CANX: variants seen among roughly 807,000 people sequenced by gnomAD.
The protein encoded by CANX is calnexin.
CANX carries 14 observed loss-of-function variants against 75.7 expected under a neutral mutation model. That is an observed-to-expected ratio of 0.19 (90% CI 0.12 to 0.29). The LOEUF (loss-of-function observed/expected upper bound fraction) is 0.29, where lower values mean the gene tolerates loss of function less well. Among genes scored for constraint, CANX ranks in the 10% least tolerant of loss-of-function variants. The pLI, the probability that CANX is intolerant of heterozygous loss-of-function variation, is 1.00. For missense variants in CANX, 567 were observed against 713.2 expected, an observed-to-expected ratio of 0.79 and a Z score of 2.34; for synonymous variants, 227 against 236.9, an observed-to-expected ratio of 0.96 and a Z score of 0.38.
chr5:179,714,065 C>T (rs1328846184), intron 7 of CANX, among the ~76,000 whole-genome samples: 4 of 152,162 alleles, frequency 2.6e-5, no homozygotes, highest in Non-Finnish European at 5.9e-5. Context: ...GTGGCCTGAT[C>T]TCAGCTCACT....
At chr5:179,693,011 T>C (rs1398375582) in intron 1 of CANX, among the ~76,000 whole-genome samples, 1 of 151,672 alleles carries the variant, frequency 6.6e-6, no homozygotes, top group Non-Finnish European at 1.5e-5. Context: ...CCGGGCACAG[T>C]GGCAGGCGCC....
At chr5:179,692,013 C>T (rs1449552269) in intron 1 of CANX, among the ~76,000 whole-genome samples, 1 of 151,662 alleles carries the variant, frequency 6.6e-6, no homozygotes, top group African/African-American at 2.4e-5. Flanking sequence ...ATCTCCTGAC[C>T]TCATGATCCA....
chr5:179,713,399 AATAC>A (rs1777714034), intron 7 of CANX, among the ~76,000 whole-genome samples: 1 of 152,216 alleles, frequency 6.6e-6, no homozygotes. Context: ...TTCCAAAAGT[AATAC>A]ATATTTAAGG....
chr5:179,709,791 G>A, intron 6 of CANX, 82 bp from the exon 7 acceptor site: 1 of 852,298 alleles, frequency 1.2e-6, no homozygotes, highest in Non-Finnish European at 1.8e-6. Context: ...TTTTATAAGA[G>A]GAATTATCAT....
At chr5:179,708,911 A>C in intron 5 of CANX, 67 bp from the exon 6 acceptor site, 3 of 816,878 alleles carry the variant, frequency 3.7e-6, no homozygotes, top group Non-Finnish European at 6.5e-6. Context: ...GGAGAGAGGA[A>C]ATACATTAAG....
exon 1 of CANX, chr5:179,678,691 C>G: frequency 2.6e-6 from 4 of 1,536,832 alleles, no homozygotes; most frequent in Non-Finnish European, 3.5e-6. Context: ...TCGGGATCAC[C>G]TCGGGGTTGC....
In CANX at chr5:179,726,680, A is replaced by T. The variant is rs1022633432; in HGVS notation, c.1646A>T (p.Glu549Val). 5.6e-6 allele frequency: 9 copies of T among 1,609,402 alleles called. No individual in the cohort carries two copies. In the Admixed American group the frequency reaches 1.5e-4, roughly 27 times the overall value. ...DEEEEGEEKLEEKQKSDAEED... is the reference protein window; with the variant it reads ...DEEEEGEEKLVEKQKSDAEED... ...CTCAGTTGTTTAACTTCTGTCTTAGAAGAGAAACAGAAAAGTGATGCTGAA... is the reference window on the plus strand; with the variant it reads ...CTCAGTTGTTTAACTTCTGTCTTAGTAGAGAAACAGAAAAGTGATGCTGAA... Residue 549 changes from glutamate (E) to valine (V), a missense_variant and splice_region_variant, in exon 14 of 15, where the codon GAA (glutamate) becomes GTA (valine). By Grantham distance (121) the Glu-to-Val change is moderately radical. This residue lies in a region of CANX where 167 missense variants were observed against 179.3 expected (regional missense o/e 0.93). Transcript: ENST00000247461.
chr5:179,679,068 C>T (rs530037246), intron 1 of CANX: 11 of 1,534,478 alleles, frequency 7.2e-6, no homozygotes, highest in African/African-American at 2.7e-5. Context: ...GAGATGTGAT[C>T]GGCCCAAAAC....
At chr5:179,684,218 C>T (rs78959121) in intron 1 of CANX, among the ~76,000 whole-genome samples, 7,088 of 152,012 alleles carry the variant, frequency 0.047, 542 homozygotes, top group African/African-American at 0.16. Flanking sequence ...GTTTGGTAAA[C>T]CTTCATTTTT....
chr5:179,680,820 C>T, intron 1 of CANX: 4 of 1,430,272 alleles, frequency 2.8e-6, no homozygotes, highest in Non-Finnish European at 3.8e-6. Flanking sequence ...TTCGTTAATT[C>T]ATAATACACT....
chr5:179,707,129 C>T lies in CANX; in HGVS notation c.246-3C>T. On this transcript the variant is annotated splice_polypyrimidine_tract_variant and splice_region_variant and intron_variant, in intron 3 of 14. Transcript: ENST00000247461. Reference sequence around the variant, plus strand: ...GACTGATTTTGGGATTTGTTATTTACAGGTGGATTTTATCCAAAGCCAAGA... The same window carrying T: ...GACTGATTTTGGGATTTGTTATTTATAGGTGGATTTTATCCAAAGCCAAGA... The T allele has an allele frequency of 6.4e-7, 1 of 1,573,026 alleles. No individual in the cohort carries two copies. Among genetic ancestry groups the T allele is most frequent in the Non-Finnish European group, 8.8e-7 (1 of 1,142,822 alleles).
intron 8 of CANX, among the ~76,000 whole-genome samples, chr5:179,716,673 CAATTCTCTG>C (rs1417711008): frequency 1.3e-5 from 2 of 152,186 alleles, no homozygotes; most frequent in African/African-American, 2.4e-5. Context: ...AAACAACAGT[CAATTCTCTG>C]CTGTGGGTTG....
chr5:179,690,700 A>C (rs924332391), intron 1 of CANX, among the ~76,000 whole-genome samples: 1 of 151,290 alleles, frequency 6.6e-6, no homozygotes, highest in Non-Finnish European at 1.5e-5. Flanking sequence ...GACCAGCCTG[A>C]CTTACATGGT....
At chr5:179,709,666 T>G in intron 6 of CANX, 1 of 401,282 alleles carries the variant, frequency 2.5e-6, no homozygotes, top group East Asian at 4.2e-5. Flanking sequence ...TGTGCATTAC[T>G]TTTTTTTAGA....
At chr5:179,680,783 CTA>C in intron 1 of CANX, 1 of 1,010,392 alleles carries the variant, frequency 9.9e-7, no homozygotes, top group Non-Finnish European at 1.5e-6. Flanking sequence ...AGAGAAAGAA[CTA>C]GAGCAGGGTT....
chr5:179,721,749 C>CG, intron 10 of CANX, among the ~76,000 whole-genome samples: 1 of 152,100 alleles, frequency 6.6e-6, no homozygotes. Flanking sequence ...TATTTATAAT[C>CG]TCTACAAAGA....
chr5:179,690,668 G>C (rs916070874), intron 1 of CANX, among the ~76,000 whole-genome samples: 3 of 151,326 alleles, frequency 2.0e-5, no homozygotes, highest in African/African-American at 7.3e-5. Flanking sequence ...CAGGCAGGTG[G>C]ATCACGAGGT....
intron 1 of CANX, among the ~76,000 whole-genome samples, chr5:179,679,538 G>A (rs559126657): frequency 6.6e-6 from 1 of 152,338 alleles, no homozygotes; most frequent in Admixed American, 6.5e-5. Flanking sequence ...GAAGGGTGAG[G>A]GGTAGGGAAT....
In CANX at chr5:179,698,986, T is replaced by C; in HGVS notation, c.-120T>C. The C allele has an allele frequency of 6.2e-6, 7 of 1,124,942 alleles. No individual in the cohort carries two copies. Among genetic ancestry groups the C allele is most frequent in the Non-Finnish European group, 7.7e-6 (7 of 912,274 alleles). 69.7% of individuals were successfully genotyped at this position (1,124,942 alleles called of 1,614,324 possible). A position where few individuals can be genotyped will look rare whatever the true frequency, so the allele number is the denominator to read the frequency against. ...CGCGGCAGCGGTGGCCGAGGCCTCT[T>C]GGTTCTGCGGCACGTGACGGTCGGG... On this transcript the variant is annotated 5_prime_UTR_variant, in exon 1 of 15. Coordinates refer to ENST00000247461, the MANE Select transcript of CANX (RefSeq NM_001746.4).
Sources: allele counts gnomAD v4.1 joint callset (sites outside exome capture counted in the v4.1 genomes callset), GRCh38; gene constraint gnomAD v4.1.1; regional missense constraint gnomAD v4.1.1; transcripts MANE v1.5; gene names NCBI Gene and HGNC (gene_info 2026-07-23, HGNC 2026-07-21).